LRBA: variants seen among roughly 807,000 people sequenced by gnomAD.
LRBA encodes the protein LPS responsive beige-like anchor protein.
Under a neutral mutation model 330.0 loss-of-function variants are expected in LRBA, and 176 were observed. The ratio of observed to expected loss-of-function variants is 0.53; its 90% CI spans 0.47 to 0.60. The LOEUF (loss-of-function observed/expected upper bound fraction) is 0.60. Ranked by LOEUF, LRBA falls within the 20% of genes least tolerant of loss-of-function variation. The pLI is 0.00. For missense variants in LRBA, 3,259 were observed against 3,444.8 expected, an observed-to-expected ratio of 0.95 and a Z score of 1.35; for synonymous variants, 1,230 against 1,193.0, an observed-to-expected ratio of 1.03 and a Z score of -0.64.
chr4:150,763,396 A>G (rs1412899689), intron 34 of LRBA, among the ~76,000 whole-genome samples: 1 of 151,996 alleles, frequency 6.6e-6, no homozygotes, highest in Admixed American at 6.6e-5. Flanking sequence ...GTAATTGTAC[A>G]ATATATACTC....
intron 44 of LRBA, among the ~76,000 whole-genome samples, chr4:150,449,008 G>C (rs377621084): frequency 8.9e-4 from 135 of 152,098 alleles, no homozygotes; most frequent in Middle Eastern, 3.4e-3. Context: ...AGAAGACCAG[G>C]GGGTAGCTCT....
chr4:150,761,454 T>C (rs970359294), intron 35 of LRBA, among the ~76,000 whole-genome samples: 1 of 152,060 alleles, frequency 6.6e-6, no homozygotes, highest in Non-Finnish European at 1.5e-5. Context: ...TTCTAATTAT[T>C]GGCTCTACAC....
At chr4:150,533,179 G>T (rs7680438) in intron 40 of LRBA, among the ~76,000 whole-genome samples, 12,517 of 151,714 alleles carry the variant, frequency 0.083, 898 homozygotes, top group African/African-American at 0.19. Flanking sequence ...ATCTTTTTTT[G>T]TTTGTTTGTT....
At chr4:150,434,438 G>A (rs1288634858) in intron 46 of LRBA, among the ~76,000 whole-genome samples, 1 of 152,162 alleles carries the variant, frequency 6.6e-6, no homozygotes, top group Non-Finnish European at 1.5e-5. Flanking sequence ...AATCAGGTAT[G>A]CTTTTAGAAC....
chr4:150,869,682 C>T (rs181978633), intron 20 of LRBA, among the ~76,000 whole-genome samples: 3 of 152,070 alleles, frequency 2.0e-5, no homozygotes, highest in Admixed American at 1.3e-4. Context: ...GCACAAGACT[C>T]GGTCTCTAAA....
chr4:150,810,955 T>C (rs1236972898), intron 31 of LRBA, among the ~76,000 whole-genome samples: 1 of 152,198 alleles, frequency 6.6e-6, no homozygotes, highest in Admixed American at 6.5e-5. Context: ...ATCATAAAAA[T>C]ATTGCTATTT....
intron 44 of LRBA, among the ~76,000 whole-genome samples, chr4:150,445,648 T>A (rs1276122555): frequency 6.6e-6 from 1 of 151,888 alleles, no homozygotes; most frequent in Non-Finnish European, 1.5e-5. Context: ...TTGGAAAAAA[T>A]ATTAAATCGT....
chr4:150,891,951 GCATGGTGGCA>G (rs574931964), intron 17 of LRBA, among the ~76,000 whole-genome samples: 18 of 152,212 alleles, frequency 1.2e-4, no homozygotes, highest in Middle Eastern at 3.4e-3. Context: ...AATAAGCTGG[GCATGGTGGCA>G]CACGCCTGTA....
At chr4:150,961,218 G>A (rs1054684714) in intron 2 of LRBA, among the ~76,000 whole-genome samples, 5 of 149,148 alleles carry the variant, frequency 3.4e-5, no homozygotes, top group Non-Finnish European at 7.4e-5. Flanking sequence ...AACAGGTGGG[G>A]GAGGAGGATA....
chr4:150,807,079 C>T (rs1387313881), intron 32 of LRBA, among the ~76,000 whole-genome samples: 2 of 150,300 alleles, frequency 1.3e-5, no homozygotes, highest in Non-Finnish European at 3.0e-5. Context: ...TTCATGTATA[C>T]ATACACAGAT....
chr4:150,823,762 T>C (rs371597191), intron 30 of LRBA, among the ~76,000 whole-genome samples: 1 of 152,176 alleles, frequency 6.6e-6, no homozygotes, highest in East Asian at 1.9e-4. Context: ...ATGAGTTCAC[T>C]TGTAGACGTG....
At chr4:150,535,598 CTA>C (rs1764572463) in intron 40 of LRBA, among the ~76,000 whole-genome samples, 1 of 152,172 alleles carries the variant, frequency 6.6e-6, no homozygotes, top group Non-Finnish European at 1.5e-5. Context: ...AAAGAAAACT[CTA>C]TTATCAAAAG....
rs1300883423 is a variant in LRBA, at chr4:150,488,167, C to T, written c.6449-333G>A. 2.0e-5 allele frequency among the ~76,000 whole-genome samples: 3 copies of T among 151,486 alleles called. No homozygotes were observed. In the Admixed American group the frequency reaches 2.0e-4, roughly 10 times the overall value. On this transcript the variant is annotated intron_variant, in intron 41 of 56. Coordinates refer to ENST00000651943, the MANE Select transcript of LRBA (RefSeq NM_001364905.1). ...ATAGCTGAGATAATGTGACATGAAG[C>T]TGCAACTTTAAATTTACAAAAATGA...
At chr4:150,559,317 C>A (rs533631663) in intron 40 of LRBA, among the ~76,000 whole-genome samples, 1 of 151,414 alleles carries the variant, frequency 6.6e-6, no homozygotes, top group Non-Finnish European at 1.5e-5. Context: ...AATCCCAGCA[C>A]GTTGGGAGGC....
At chr4:150,632,375 A>G (rs1777476539) in intron 37 of LRBA, among the ~76,000 whole-genome samples, 2 of 152,188 alleles carry the variant, frequency 1.3e-5, no homozygotes, top group Admixed American at 1.3e-4. Flanking sequence ...AGCAAGCTCC[A>G]AGGACACAAT....
At chr4:150,854,281 T>C (rs890715003) in intron 22 of LRBA, among the ~76,000 whole-genome samples, 2 of 152,230 alleles carry the variant, frequency 1.3e-5, no homozygotes, top group African/African-American at 2.4e-5. Flanking sequence ...GAAATCTTTT[T>C]ATAATATTTC....
Position 150,887,137 on chromosome 4 carries a change from G to A in LRBA, c.2165+5915C>T, listed in dbSNP as rs574447361. ...TCAATTTAAAATATTAAAGAAAATA[G>A]AGTTCTCATCCAAAAATGAAAGCAT... On this transcript the variant is annotated intron_variant, in intron 17 of 56. Coordinates refer to ENST00000651943, the MANE Select transcript of LRBA (RefSeq NM_001364905.1). Among the ~76,000 whole-genome samples the A allele has an allele frequency of 2.6e-4, 39 of 152,080 alleles. 1 individual carries two copies. In the South Asian group the frequency reaches 8.1e-3, roughly 32 times the overall value.
chr4:150,516,215 C>CTTTTT lies in LRBA; in HGVS notation c.6331-25181_6331-25180insAAAAA, dbSNP rs1384014823. ...GTAATTCAGTCTGACATTTTCTATT[C>CTTTTT]TCTTTTTTTTTTTTTTTTTTTTTTT... On this transcript the variant is annotated intron_variant, in intron 40 of 56. Transcript: ENST00000651943. Among the ~76,000 whole-genome samples, 189 of 86,674 alleles carry CTTTTT rather than the reference C, an allele frequency of 2.2e-3. 77 individuals are homozygous for CTTTTT. The highest frequency in any genetic ancestry group is 2.9e-3 in the Non-Finnish European group (132 of 45,152). The allele number at this position is 86,674 out of a possible 152,430, so 56.9% of individuals were successfully genotyped here.
chr4:150,801,413 T>C (rs573244660), intron 33 of LRBA, among the ~76,000 whole-genome samples: 13 of 152,334 alleles, frequency 8.5e-5, no homozygotes, highest in East Asian at 7.7e-4. Flanking sequence ...TTTGGAAAAA[T>C]TGGATGACTA....
Sources: gnomAD v4.1 joint callset for allele counts (sites outside exome capture counted in the v4.1 genomes callset) on GRCh38, gnomAD v4.1.1 for gene constraint, MANE v1.5 for transcripts, NCBI Gene and HGNC (gene_info 2026-07-23, HGNC 2026-07-21) for gene names.